Variants in RERE observed in about 807,000 individuals in gnomAD.
RERE encodes the protein arginine-glutamic acid dipeptide repeats protein.
RERE carries 40 observed loss-of-function variants against 146.1 expected under a neutral mutation model. The observed-to-expected ratio is 0.27, with a 90% CI of 0.21 to 0.36. The LOEUF (loss-of-function observed/expected upper bound fraction) is 0.36, where lower values mean the gene tolerates loss of function less well. RERE is among the 10% of genes least tolerant of loss of function. RERE has a pLI of 1.00. For synonymous variants in RERE, 1,003 were observed against 866.0 expected, an observed-to-expected ratio of 1.16 and a Z score of -2.78; for missense variants, 1,933 against 2,138.7, an observed-to-expected ratio of 0.90 and a Z score of 1.90.
intron 2 of RERE, among the ~76,000 whole-genome samples, chr1:8,631,277 G>T (rs186907396): frequency 6.6e-6 from 1 of 152,346 alleles, no homozygotes. Context: ...GCACATGCCT[G>T]TAATTCCAGC....
intron 7 of RERE, among the ~76,000 whole-genome samples, chr1:8,514,453 G>A (rs1425720383): frequency 1.3e-5 from 2 of 152,206 alleles, no homozygotes; most frequent in African/African-American, 4.8e-5. Flanking sequence ...TAATAGGCTG[G>A]GCGAGGTGGC....
chr1:8,490,216 A>G (rs1644962143), intron 10 of RERE, among the ~76,000 whole-genome samples: 2 of 141,668 alleles, frequency 1.4e-5, no homozygotes, highest in African/African-American at 3.1e-5. Context: ...CAAAAAAATT[A>G]GCTGGACGTG....
intron 1 of RERE, among the ~76,000 whole-genome samples, chr1:8,734,834 G>A (rs969120053): frequency 5.9e-4 from 90 of 152,056 alleles, no homozygotes; most frequent in African/African-American, 2.1e-3. Flanking sequence ...TTAGAAAAGG[G>A]ACTTTCTCTG....
chr1:8,749,933 C>G (rs1051654976), intron 1 of RERE, among the ~76,000 whole-genome samples: 2 of 152,152 alleles, frequency 1.3e-5, no homozygotes, highest in East Asian at 3.8e-4. Flanking sequence ...GAGTGGGTAA[C>G]TTGAGGCCAA....
At position 8,355,560 on chromosome 1, in the gene RERE, G is replaced by A; in HGVS notation, c.4526C>T (p.Pro1509Leu). 6.2e-7 allele frequency: 1 copy of A among 1,603,672 alleles called. No individual in the cohort carries two copies. Among genetic ancestry groups the A allele is most frequent in the South Asian group, 1.1e-5 (1 of 90,394 alleles). ...CAGCTGGTGGGCTGCTGACATGGGGGGTGGGATGGCCCCAGGCAGGTCACG... is the reference window on the plus strand; with the variant it reads ...CAGCTGGTGGGCTGCTGACATGGGGAGTGGGATGGCCCCAGGCAGGTCACG... The part of the protein sequence containing the change: ...YPRDLPGAIP[P>L]PMSAAHQLQA... Residue 1509 changes from proline (P) to leucine (L), a missense_variant, in exon 22 of 23, where the codon CCC (proline) becomes CTC (leucine). By Grantham distance (98) the Pro-to-Leu change is moderately conservative. This residue lies in a region of RERE where 133 missense variants were observed against 168.6 expected (regional missense o/e 0.79). Coordinates refer to ENST00000400908, the MANE Select transcript of RERE (RefSeq NM_001042681.2).
intron 10 of RERE, among the ~76,000 whole-genome samples, chr1:8,470,103 G>A (rs965197713): frequency 6.6e-6 from 1 of 151,998 alleles, no homozygotes; most frequent in Admixed American, 6.5e-5. Context: ...CTGTTGTCTG[G>A]CTGGCCTCTT....
intron 12 of RERE, among the ~76,000 whole-genome samples, chr1:8,389,775 C>T (rs1417513719): frequency 1.3e-4 from 20 of 152,190 alleles, no homozygotes; most frequent in Non-Finnish European, 1.5e-5. Context: ...TAAAACAATC[C>T]GTCAGCTAAG....
rs201591644 is a variant in RERE, at chr1:8,782,890, A to AGT, written c.-145+34268_-145+34269dup. ...CACTACACTCCAGCCTGGGAGACAC[A>AGT]GTGAGACTCCATCTTAAAAAACAAA... On this transcript the variant is annotated intron_variant, in intron 1 of 22. Transcript: ENST00000400908. Among the ~76,000 whole-genome samples the AGT allele has an allele frequency of 4.7e-4, 71 of 152,316 alleles. No individual in the cohort carries two copies. The East Asian group carries it at 0.014, about 29-fold the overall frequency.
intron 6 of RERE, among the ~76,000 whole-genome samples, chr1:8,549,419 G>A (rs1013885304): frequency 4.6e-5 from 7 of 151,970 alleles, no homozygotes; most frequent in African/African-American, 1.5e-4. Context: ...ATAAATATCC[G>A]TAAGTTCATG....
chr1:8,488,287 C>T (rs1339461623), intron 10 of RERE, among the ~76,000 whole-genome samples: 1 of 151,782 alleles, frequency 6.6e-6, no homozygotes, highest in Non-Finnish European at 1.5e-5. Flanking sequence ...CTCTTGTTGC[C>T]CAGGCTAGAA....
intron 7 of RERE, among the ~76,000 whole-genome samples, 194 bp from the exon 8 acceptor site, chr1:8,508,869 T>C (rs1297996693): frequency 6.6e-6 from 1 of 152,174 alleles, no homozygotes; most frequent in Non-Finnish European, 1.5e-5. Context: ...ACCTTTTCCT[T>C]TGAAAATCCT....
chr1:8,780,451 C>A (rs1557538684), intron 1 of RERE, among the ~76,000 whole-genome samples: 4 of 152,198 alleles, frequency 2.6e-5, no homozygotes, highest in Non-Finnish European at 1.5e-5. Context: ...TCAGAATCAT[C>A]CATTTTTAAC....
At chr1:8,656,499 G>T in intron 1 of RERE, 58 bp from the exon 2 acceptor site, 1 of 683,918 alleles carries the variant, frequency 1.5e-6, no homozygotes, top group Non-Finnish European at 2.3e-6. Context: ...CTAAAATAAT[G>T]TTTTGTTAAA....
chr1:8,589,123 C>G (rs1030284538), intron 4 of RERE, among the ~76,000 whole-genome samples: 1 of 151,614 alleles, frequency 6.6e-6, no homozygotes, highest in Admixed American at 6.6e-5. Context: ...GACTCTGTCC[C>G]AAAAAACAAA....
At chr1:8,718,499 T>G (rs1048321547) in intron 1 of RERE, among the ~76,000 whole-genome samples, 1 of 152,250 alleles carries the variant, frequency 6.6e-6, no homozygotes, top group African/African-American at 2.4e-5. Context: ...CTCAATGCAC[T>G]GAACAGCTGA....
chr1:8,501,352 C>T (rs1570349910), intron 8 of RERE, among the ~76,000 whole-genome samples: 1 of 98,128 alleles, frequency 1.0e-5, no homozygotes, highest in East Asian at 3.7e-4. Flanking sequence ...GCACCCCGCC[C>T]GGCCAGCCGC....
chr1:8,676,584 G>C (rs1379593681), intron 1 of RERE, among the ~76,000 whole-genome samples: 1 of 152,120 alleles, frequency 6.6e-6, no homozygotes, highest in African/African-American at 2.4e-5. Context: ...AGAAACTCAA[G>C]GAAAAAGAGA....
intron 1 of RERE, among the ~76,000 whole-genome samples, chr1:8,807,713 A>C (rs1194138591): frequency 6.6e-6 from 1 of 152,198 alleles, no homozygotes; most frequent in Non-Finnish European, 1.5e-5. Context: ...AGTCACATAC[A>C]TGTAAGAGTT....
intron 7 of RERE, among the ~76,000 whole-genome samples, chr1:8,525,346 C>T (rs1645556772): frequency 6.6e-6 from 1 of 152,234 alleles, no homozygotes; most frequent in Non-Finnish European, 1.5e-5. Flanking sequence ...CTTCCTAAAA[C>T]ATCCAAACAG....
Sources: allele counts gnomAD v4.1 joint callset (sites outside exome capture counted in the v4.1 genomes callset), GRCh38; gene constraint gnomAD v4.1.1; regional missense constraint gnomAD v4.1.1; transcripts MANE v1.5; gene names NCBI Gene and HGNC (gene_info 2026-07-23, HGNC 2026-07-21).